The following GRM5 variants were observed in gnomAD, a reference collection of about 807,000 sequenced individuals.
GRM5 encodes glutamate metabotropic receptor 5.
GRM5 carries 19 observed loss-of-function variants against 83.1 expected under a neutral mutation model. The ratio of observed to expected loss-of-function variants is 0.23; its 90% CI spans 0.16 to 0.34. The LOEUF is 0.34. Among genes scored for constraint, GRM5 ranks in the 10% least tolerant of loss-of-function variants. GRM5 has a pLI of 1.00. For missense variants in GRM5, 1,160 were observed against 1,588.3 expected, an observed-to-expected ratio of 0.73 and a Z score of 4.58; for synonymous variants, 675 against 633.6, an observed-to-expected ratio of 1.07 and a Z score of -0.98.
At chr11:88,540,504 T>C (rs1330704590) in intron 8 of GRM5, among the ~76,000 whole-genome samples, 2 of 152,034 alleles carry the variant, frequency 1.3e-5, no homozygotes, top group African/African-American at 2.4e-5. Context: ...TTACTTTTGA[T>C]AGATGCAGCT....
chr11:89,062,845 C>T (rs1942022033), intron 1 of GRM5, among the ~76,000 whole-genome samples: 1 of 152,244 alleles, frequency 6.6e-6, no homozygotes, highest in Non-Finnish European at 1.5e-5. Context: ...GTTTTCTTCC[C>T]TAAGTCGCTG....
intron 7 of GRM5, among the ~76,000 whole-genome samples, chr11:88,582,158 T>A: frequency 6.6e-6 from 1 of 152,196 alleles, no homozygotes; most frequent in East Asian, 1.9e-4. Flanking sequence ...TTTATTTGCA[T>A]ATGTCTCTGC....
At chr11:88,807,032 G>A (rs1267044455) in intron 3 of GRM5, among the ~76,000 whole-genome samples, 2 of 152,052 alleles carry the variant, frequency 1.3e-5, no homozygotes, top group Non-Finnish European at 1.5e-5. Context: ...ACTTTCCCTA[G>A]GCTGTATTTG....
intron 3 of GRM5, among the ~76,000 whole-genome samples, chr11:88,727,131 T>C (rs1004016546): frequency 3.9e-5 from 6 of 152,200 alleles, no homozygotes; most frequent in Non-Finnish European, 8.8e-5. Flanking sequence ...CAGTGTGCTG[T>C]ATTCAGGAGA....
At chr11:88,558,583 C>T (rs969765896) in intron 8 of GRM5, among the ~76,000 whole-genome samples, 3 of 151,872 alleles carry the variant, frequency 2.0e-5, no homozygotes, top group Non-Finnish European at 1.5e-5. Flanking sequence ...GCAGGTGGAT[C>T]ATGAGGTCAA....
rs184025076 is a variant in GRM5 at position 88,868,154 on chromosome 11, G to A, written c.662-17999C>T. On this transcript the variant is annotated intron_variant, in intron 2 of 9. Coordinates refer to ENST00000305447, the MANE Select transcript of GRM5 (RefSeq NM_001143831.3). ...ATAGTAGGCCAATCACCAGACCAAA[G>A]TCTGGCACAGGATAGACACTCAACA... 2.2e-3 allele frequency among the ~76,000 whole-genome samples: 333 copies of A among 151,938 alleles called. 1 individual carries two copies. The highest frequency in any genetic ancestry group is 7.8e-3 in the African/African-American group (325 of 41,512).
At chr11:88,780,685 A>G (rs1942957002) in intron 3 of GRM5, among the ~76,000 whole-genome samples, 1 of 151,978 alleles carries the variant, frequency 6.6e-6, no homozygotes, top group Admixed American at 6.6e-5. Flanking sequence ...TTATTTATTC[A>G]TTATTTTTAT....
chr11:88,896,136 G>C (rs901612993), intron 2 of GRM5, among the ~76,000 whole-genome samples: 4 of 151,862 alleles, frequency 2.6e-5, no homozygotes, highest in Non-Finnish European at 5.9e-5. Flanking sequence ...CCATTTCATA[G>C]ATGAATTTAA....
intron 2 of GRM5, among the ~76,000 whole-genome samples, chr11:88,893,445 G>A (rs546110674): frequency 5.3e-5 from 8 of 151,962 alleles, no homozygotes; most frequent in Non-Finnish European, 7.4e-5. Flanking sequence ...ATAGTTGGTC[G>A]TTTAAAAAGA....
chr11:88,964,149 T>C lies in GRM5; in HGVS notation c.661+83063A>G, dbSNP rs1461174441. ...TGATTTTGTAACTTAGGTTGAAAAA[T>C]AATAGTAGGCAGCCCTGAAAAAGTA... is the stretch of plus-strand genomic sequence containing the variant. On this transcript the variant is annotated intron_variant, in intron 2 of 9. Transcript: ENST00000305447. 3.3e-5 allele frequency among the ~76,000 whole-genome samples: 5 copies of C among 152,172 alleles called. No individual in the cohort carries two copies. The East Asian group carries it at 7.7e-4, about 24-fold the overall frequency.
intron 2 of GRM5, among the ~76,000 whole-genome samples, chr11:88,895,801 A>G (rs1945219992): frequency 6.6e-6 from 1 of 151,998 alleles, no homozygotes. Context: ...CATCTATTAT[A>G]GAATTAAGGT....
At chr11:88,915,089 C>G (rs941682009) in intron 2 of GRM5, among the ~76,000 whole-genome samples, 1 of 152,002 alleles carries the variant, frequency 6.6e-6, no homozygotes, top group Non-Finnish European at 1.5e-5. Context: ...AATAACTATA[C>G]TATTTTGAGC....
intron 3 of GRM5, among the ~76,000 whole-genome samples, chr11:88,745,326 C>T (rs1438919755): frequency 1.5e-5 from 2 of 133,096 alleles, no homozygotes; most frequent in Non-Finnish European, 3.2e-5. Context: ...TCAGCCTCAG[C>T]CTCCCAAGTA....
intron 8 of GRM5, among the ~76,000 whole-genome samples, chr11:88,543,269 C>A (rs1391890615): frequency 6.6e-6 from 1 of 152,154 alleles, no homozygotes; most frequent in African/African-American, 2.4e-5. Flanking sequence ...TTATCTGTTA[C>A]CTTTCTTTCT....
chr11:89,063,685 A>G (rs1278367623), intron 1 of GRM5: 3 of 152,134 alleles, frequency 2.0e-5, no homozygotes, highest in African/African-American at 7.2e-5. Context: ...CGCTACTGAG[A>G]AAGGGGGGAT....
chr11:88,777,267 G>A (rs1942876172), intron 3 of GRM5, among the ~76,000 whole-genome samples: 1 of 152,156 alleles, frequency 6.6e-6, no homozygotes, highest in African/African-American at 2.4e-5. Context: ...TAGTTCTCAT[G>A]CCATGGTTTC....
chr11:88,760,682 AG>A (rs1942493779), intron 3 of GRM5, among the ~76,000 whole-genome samples: 1 of 152,136 alleles, frequency 6.6e-6, no homozygotes, highest in South Asian at 2.1e-4. Context: ...AAAATTGAGG[AG>A]GGAATCCTGC....
At chr11:88,666,783 C>T (rs925417578) in intron 3 of GRM5, among the ~76,000 whole-genome samples, 2 of 152,308 alleles carry the variant, frequency 1.3e-5, no homozygotes, top group Non-Finnish European at 2.9e-5. Context: ...CTTTTAACTG[C>T]TATAAACAAG....
chr11:88,631,256 C>T (rs534057440), intron 4 of GRM5, among the ~76,000 whole-genome samples: 6 of 152,152 alleles, frequency 3.9e-5, no homozygotes, highest in Admixed American at 6.5e-5. Context: ...AAAACACCTA[C>T]ATGCATATGA....
Sources: gnomAD v4.1 joint callset for allele counts (sites outside exome capture counted in the v4.1 genomes callset) on GRCh38, gnomAD v4.1.1 for gene constraint, MANE v1.5 for transcripts, NCBI Gene and HGNC (gene_info 2026-07-23, HGNC 2026-07-21) for gene names.